Variants in KCNMB2 observed in about 807,000 individuals in gnomAD.
KCNMB2 encodes potassium calcium-activated channel subfamily M regulatory beta subunit 2.
KCNMB2 carries 9 observed loss-of-function variants against 24.5 expected under a neutral mutation model. That is an observed-to-expected ratio of 0.37 (90% CI 0.22 to 0.64). The LOEUF is 0.64. Ranked by LOEUF, KCNMB2 falls within the 30% of genes least tolerant of loss-of-function variation. The pLI, the probability that KCNMB2 is intolerant of heterozygous loss-of-function variation, is 0.63. For missense variants in KCNMB2, 226 were observed against 284.3 expected, an observed-to-expected ratio of 0.79 and a Z score of 1.47; for synonymous variants, 109 against 104.4, an observed-to-expected ratio of 1.04 and a Z score of -0.27.
chr3:178,627,763 G>A (rs1719172987), intron 1 of KCNMB2, among the ~76,000 whole-genome samples: 1 of 152,176 alleles, frequency 6.6e-6, no homozygotes, highest in South Asian at 2.1e-4. Flanking sequence ...TGATAAAATT[G>A]TATTGAAATA....
chr3:178,736,732 G>A (rs1723328335), intron 1 of KCNMB2, among the ~76,000 whole-genome samples: 1 of 152,198 alleles, frequency 6.6e-6, no homozygotes, highest in Non-Finnish European at 1.5e-5. Context: ...AAAAGTCTGA[G>A]TGAGAACTGA....
At chr3:178,644,146 C>T (rs754266864) in intron 1 of KCNMB2, among the ~76,000 whole-genome samples, 8 of 152,156 alleles carry the variant, frequency 5.3e-5, no homozygotes, top group Middle Eastern at 3.2e-3. Context: ...ACAAAGTACT[C>T]CACCAGAATG....
chr3:178,804,690 T>C (rs1482654648), intron 1 of KCNMB2, among the ~76,000 whole-genome samples: 2 of 152,236 alleles, frequency 1.3e-5, no homozygotes, highest in Non-Finnish European at 2.9e-5. Flanking sequence ...TTGTATAGTT[T>C]CAAAACATTT....
intron 1 of KCNMB2, among the ~76,000 whole-genome samples, chr3:178,697,081 T>G (rs1293594694): frequency 2.6e-5 from 4 of 152,212 alleles, no homozygotes; most frequent in Non-Finnish European, 2.9e-5. Flanking sequence ...TATATTCTGT[T>G]GTTTTGGGGT....
At chr3:178,690,968 C>A (rs1309039367) in intron 1 of KCNMB2, among the ~76,000 whole-genome samples, 3 of 152,052 alleles carry the variant, frequency 2.0e-5, no homozygotes, top group African/African-American at 7.2e-5. Context: ...GATGGAGTCT[C>A]ACTCTGCCTC....
chr3:178,570,596 T>C (rs2108476321), intron 1 of KCNMB2, among the ~76,000 whole-genome samples: 1 of 150,672 alleles, frequency 6.6e-6, no homozygotes, highest in South Asian at 2.1e-4. Context: ...CAAAGACTTT[T>C]AGTCCTCAGT....
At chr3:178,548,289 TTTCTGCCCTGGGTTTC>T (rs1715839966) in intron 1 of KCNMB2, among the ~76,000 whole-genome samples, 1 of 152,202 alleles carries the variant, frequency 6.6e-6, no homozygotes, top group Admixed American at 6.5e-5. Context: ...TTGCAATCTC[TTTCTGCCCTGGGTTTC>T]TTCTGCCTAG....
intron 4 of KCNMB2, 101 bp downstream of exon 4, chr3:178,828,474 T>G (rs1391451124): frequency 1.2e-6 from 1 of 809,644 alleles, no homozygotes; most frequent in Non-Finnish European, 1.9e-6. Context: ...AGGAAAATAC[T>G]TCCAGGAAGC....
At chr3:178,585,475 C>A (rs908105532) in intron 1 of KCNMB2, among the ~76,000 whole-genome samples, 1 of 152,122 alleles carries the variant, frequency 6.6e-6, no homozygotes, top group Admixed American at 6.5e-5. Flanking sequence ...CATTGTTTTC[C>A]ACTTACTTTT....
chr3:178,577,514 A>C (rs1490157083), intron 1 of KCNMB2, among the ~76,000 whole-genome samples: 1 of 152,204 alleles, frequency 6.6e-6, no homozygotes, highest in East Asian at 1.9e-4. Flanking sequence ...TGGACAGAGA[A>C]TGAGTTTGAT....
At chr3:178,616,144 A>G (rs62284830) in intron 1 of KCNMB2, among the ~76,000 whole-genome samples, 2,904 of 152,070 alleles carry the variant, frequency 0.019, 51 homozygotes, top group Middle Eastern at 0.037. Flanking sequence ...GAGGGGAGGG[A>G]TGATGCCAGC....
In KCNMB2 at chr3:178,762,794, T is replaced by C. The variant is rs554068573; in HGVS notation, c.-67-44549T>C. Among the ~76,000 whole-genome samples the C allele has an allele frequency of 6.6e-5, 10 of 151,766 alleles. No individual in the cohort carries two copies. In the East Asian group the frequency reaches 1.5e-3, roughly 23 times the overall value. ...AAATAGAAAAAGAAATTAAAAGTTA[T>C]TATAAAATTTTAGGCTTGAGAAACT... On this transcript the variant is annotated intron_variant, in intron 1 of 4. Transcript: ENST00000452583.
chr3:178,717,428 A>T (rs1419170907), intron 1 of KCNMB2, among the ~76,000 whole-genome samples: 1 of 152,108 alleles, frequency 6.6e-6, no homozygotes, highest in African/African-American at 2.4e-5. Context: ...ATTGCTAGAA[A>T]ATTGCTTCCA....
intron 1 of KCNMB2, among the ~76,000 whole-genome samples, chr3:178,767,756 C>G (rs561018217): frequency 7.2e-5 from 11 of 152,174 alleles, no homozygotes; most frequent in Non-Finnish European, 1.2e-4. Flanking sequence ...ACCACTGGTT[C>G]CTTTCCAGCT....
At chr3:178,785,224 T>C (rs1266405786) in intron 1 of KCNMB2, among the ~76,000 whole-genome samples, 3 of 152,164 alleles carry the variant, frequency 2.0e-5, no homozygotes, top group African/African-American at 7.2e-5. Flanking sequence ...ATTTAGGCAA[T>C]GCTAATTTTT....
At position 178,654,244 on chromosome 3, in the gene KCNMB2, C is replaced by T. The variant is rs140074783; in HGVS notation, c.-68+117533C>T. On this transcript the variant is annotated intron_variant, in intron 1 of 4. Coordinates refer to ENST00000452583, the MANE Select transcript of KCNMB2 (RefSeq NM_181361.3). ...CATTTATTTTTAAAAATTAGCCTTG[C>T]CATACGTTGATTCTTCTTGTTTGTC... 2.5e-4 allele frequency among the ~76,000 whole-genome samples: 38 copies of T among 152,030 alleles called. No individual in the cohort carries two copies. The East Asian group carries it at 6.4e-3, about 25-fold the overall frequency.
rs1391492257 is a variant in KCNMB2 at position 178,759,486 on chromosome 3, T to TCTCC, written c.-67-47857_-67-47856insCTCC. 4.8e-4 allele frequency among the ~76,000 whole-genome samples: 53 copies of TCTCC among 111,254 alleles called. 1 individual carries two copies. Among genetic ancestry groups the TCTCC allele is most frequent in the Non-Finnish European group, 6.9e-4 (39 of 56,688 alleles). 73.0% of individuals were successfully genotyped at this position (111,254 alleles called of 152,430 possible). A position where few individuals can be genotyped will look rare whatever the true frequency, so the allele number is the denominator to read the frequency against. On this transcript the variant is annotated intron_variant, in intron 1 of 4. Transcript: ENST00000452583. ...CCAAGAGGATATATATATATATATA[T>TCTCC]ATCTCCAAGAGGATATATATATATC...
At chr3:178,803,909 TTC>T (rs963393506) in intron 1 of KCNMB2, among the ~76,000 whole-genome samples, 1 of 152,178 alleles carries the variant, frequency 6.6e-6, no homozygotes, top group Non-Finnish European at 1.5e-5. Flanking sequence ...AATTATCACA[TTC>T]TCACTGACTC....
chr3:178,648,240 CATAA>C (rs1719988817), intron 1 of KCNMB2, among the ~76,000 whole-genome samples: 2 of 152,036 alleles, frequency 1.3e-5, no homozygotes, highest in African/African-American at 4.8e-5. Context: ...AATATTATGT[CATAA>C]ATAAGTTGTT....
Sources: gnomAD v4.1 joint callset for allele counts (sites outside exome capture counted in the v4.1 genomes callset) on GRCh38, gnomAD v4.1.1 for gene constraint, MANE v1.5 for transcripts, NCBI Gene and HGNC (gene_info 2026-07-23, HGNC 2026-07-21) for gene names.